The following PDE10A variants were observed in gnomAD, a reference collection of about 807,000 sequenced individuals.
PDE10A encodes the protein cAMP and cAMP-inhibited cGMP 3',5'-cyclic phosphodiesterase 10A.
Under a neutral mutation model 97.7 loss-of-function variants are expected in PDE10A, and 39 were observed. The observed-to-expected ratio is 0.40, with a 90% CI of 0.31 to 0.52. The LOEUF (loss-of-function observed/expected upper bound fraction) is 0.52. PDE10A is among the 20% of genes least tolerant of loss of function. The pLI is 0.56. For synonymous variants in PDE10A, 371 were observed against 376.8 expected (o/e 0.98, Z 0.18); for missense variants, 731 against 1,047.8 (o/e 0.70, Z 4.17).
chr6:165,923,724 T>G (rs1782827501), intron 1 of PDE10A, among the ~76,000 whole-genome samples: 2 of 152,194 alleles, frequency 1.3e-5, no homozygotes, highest in Admixed American at 6.5e-5. Flanking sequence ...TTATACAATT[T>G]GGGATTATAC....
chr6:165,780,532 A>T (rs1321822250), intron 1 of PDE10A: 1 of 152,266 alleles, frequency 6.6e-6, no homozygotes, highest in Non-Finnish European at 1.5e-5. Flanking sequence ...CTGTGTTCTC[A>T]GGATGATTAA....
intron 10 of PDE10A, among the ~76,000 whole-genome samples, chr6:165,427,323 T>C (rs1343018273): frequency 6.6e-6 from 1 of 152,126 alleles, no homozygotes; most frequent in Non-Finnish European, 1.5e-5. Flanking sequence ...GCATAATATG[T>C]ATGATTTTGA....
At chr6:165,656,031 T>C (rs1789938409) in intron 1 of PDE10A, among the ~76,000 whole-genome samples, 1 of 152,024 alleles carries the variant, frequency 6.6e-6, no homozygotes, top group South Asian at 2.1e-4. Context: ...CCACTCTCCG[T>C]GTGCATTCGC....
chr6:165,348,330 C>G (rs1302087619), intron 18 of PDE10A, among the ~76,000 whole-genome samples: 1 of 152,112 alleles, frequency 6.6e-6, no homozygotes, highest in Non-Finnish European at 1.5e-5. Context: ...TAAAAGGATA[C>G]TTTTATCTGA....
At chr6:165,430,256 A>G in intron 9 of PDE10A, 31 bp downstream of exon 9, 1 of 1,506,540 alleles carries the variant, frequency 6.6e-7, no homozygotes, top group Admixed American at 1.8e-5. Flanking sequence ...TTGATTAATA[A>G]GAGCTACTAT....
chr6:165,844,082 A>G (rs6915702), intron 1 of PDE10A, among the ~76,000 whole-genome samples: 103,708 of 152,014 alleles, frequency 0.68, 35,639 homozygotes, highest in Middle Eastern at 0.77. Context: ...CTCGCAGGTG[A>G]GATGTATTTT....
chr6:165,785,591 T>C (rs1367828373), intron 1 of PDE10A, among the ~76,000 whole-genome samples: 2 of 152,222 alleles, frequency 1.3e-5, no homozygotes, highest in African/African-American at 4.8e-5. Flanking sequence ...TTTAACAGCC[T>C]CTAAATCCAT....
intron 1 of PDE10A, among the ~76,000 whole-genome samples, chr6:165,658,539 AGGCGTGC>A (rs1465440849): frequency 6.6e-6 from 1 of 152,188 alleles, no homozygotes; most frequent in Non-Finnish European, 1.5e-5. Flanking sequence ...CCTTATCCAC[AGGCGTGC>A]CTCAGAGTTC....
intron 19 of PDE10A, 22 bp from the exon 20 acceptor site, chr6:165,339,380 T>C (rs886708334): frequency 7.3e-7 from 1 of 1,361,366 alleles, no homozygotes; most frequent in Middle Eastern, 1.8e-4. Context: ...GGGGAGAAAA[T>C]CATGCTTTCT....
rs555703767 is a variant in PDE10A at position 165,904,158 on chromosome 6, C to T, written c.-615+83371G>A. 2.0e-5 allele frequency among the ~76,000 whole-genome samples: 3 copies of T among 152,132 alleles called. No individual in the cohort carries two copies. In the East Asian group the frequency reaches 5.8e-4, roughly 29 times the overall value. On this transcript the variant is annotated intron_variant, in intron 1 of 19. Coordinates refer to the PDE10A transcript ENST00000366882. ...GAATTTTTAATGCTGAAGGGAATGG[C>T]CAAATATAAAGGGAATAATTGGTGG...
chr6:165,656,211 T>C (rs892306425), intron 1 of PDE10A, among the ~76,000 whole-genome samples: 4 of 150,916 alleles, frequency 2.7e-5, no homozygotes, highest in African/African-American at 9.8e-5. Flanking sequence ...TCTCTGGGCA[T>C]GGAACTACTC....
intron 1 of PDE10A, among the ~76,000 whole-genome samples, chr6:165,761,606 AATAAATTG>A (rs1793252443): frequency 6.7e-6 from 1 of 149,606 alleles, no homozygotes; most frequent in Non-Finnish European, 1.5e-5. Context: ...ATATTGTAAA[AATAAATTG>A]ACAAAGGAGG....
intron 1 of PDE10A, among the ~76,000 whole-genome samples, chr6:165,804,686 G>A (rs1320604710): frequency 6.6e-6 from 1 of 152,066 alleles, no homozygotes; most frequent in Admixed American, 6.5e-5. Context: ...GCGTGGTCGC[G>A]AAGGGGAAGA....
At chr6:165,558,419 A>C (rs556343919) in intron 1 of PDE10A, among the ~76,000 whole-genome samples, 1 of 152,060 alleles carries the variant, frequency 6.6e-6, no homozygotes, top group South Asian at 2.1e-4. Flanking sequence ...ATACTTGGAC[A>C]CAGGAAGGGG....
intron 1 of PDE10A, among the ~76,000 whole-genome samples, chr6:165,609,120 C>T (rs1787369125): frequency 6.6e-6 from 1 of 151,820 alleles, no homozygotes; most frequent in Admixed American, 6.6e-5. Flanking sequence ...TAATTAGATC[C>T]CATTTGTCAA....
intron 1 of PDE10A, among the ~76,000 whole-genome samples, chr6:165,653,133 ATTTC>A (rs1789765388): frequency 6.6e-6 from 1 of 152,192 alleles, no homozygotes; most frequent in South Asian, 2.1e-4. Context: ...GTATTTCATT[ATTTC>A]TTTCCCTTTA....
intron 1 of PDE10A, among the ~76,000 whole-genome samples, chr6:165,652,138 T>C (rs1361537823): frequency 6.6e-6 from 1 of 152,218 alleles, no homozygotes; most frequent in African/African-American, 2.4e-5. Context: ...GATGACTGAT[T>C]AGACAACTTC....
At chr6:165,367,824 AAAAC>A (rs1783913410) in intron 18 of PDE10A, among the ~76,000 whole-genome samples, 1 of 152,142 alleles carries the variant, frequency 6.6e-6, no homozygotes, top group African/African-American at 2.4e-5. Context: ...ACAAAAAACA[AAAAC>A]AAAAAAACAC....
chr6:165,906,462 C>A (rs114156082), intron 1 of PDE10A, among the ~76,000 whole-genome samples: 1,679 of 152,198 alleles, frequency 0.011, 27 homozygotes, highest in African/African-American at 0.036. Context: ...CTGTAGAGCA[C>A]TGTTTTTCAA....
Sources: allele counts gnomAD v4.1 joint callset (sites outside exome capture counted in the v4.1 genomes callset), GRCh38; gene constraint gnomAD v4.1.1; transcripts MANE v1.5; gene names NCBI Gene and HGNC (gene_info 2026-07-23, HGNC 2026-07-21).